Variants in SLC2A13 observed in about 807,000 individuals in gnomAD.
SLC2A13 encodes proton myo-inositol cotransporter.
SLC2A13 carries 32 observed loss-of-function variants against 64.4 expected under a neutral mutation model. The observed-to-expected ratio is 0.50, with a 90% CI of 0.37 to 0.67. The LOEUF is 0.67. SLC2A13 is among the 30% of genes least tolerant of loss of function. SLC2A13 has a pLI of 0.00. For synonymous variants in SLC2A13, 338 were observed against 327.1 expected (o/e 1.03, Z -0.36); for missense variants, 743 against 829.2 (o/e 0.90, Z 1.28).
intron 6 of SLC2A13, among the ~76,000 whole-genome samples, chr12:39,859,120 A>T (rs947930421): frequency 6.6e-6 from 1 of 152,142 alleles, no homozygotes; most frequent in Non-Finnish European, 1.5e-5. Flanking sequence ...CAGTGTCACC[A>T]CCATCTACAG....
chr12:39,947,951 C>T (rs1309642080), intron 4 of SLC2A13, among the ~76,000 whole-genome samples: 3 of 152,064 alleles, frequency 2.0e-5, no homozygotes, highest in Non-Finnish European at 2.9e-5. Flanking sequence ...TGAGCCACCG[C>T]GCCTGGCCGA....
intron 3 of SLC2A13, among the ~76,000 whole-genome samples, 179 bp from the exon 4 acceptor site, chr12:39,951,544 TA>T (rs1565558336): frequency 6.6e-6 from 1 of 152,182 alleles, no homozygotes; most frequent in African/African-American, 2.4e-5. Flanking sequence ...TGCAAACAGA[TA>T]GTGTTTTTGT....
chr12:40,038,786 G>GAAAGGA (rs1016773092), intron 2 of SLC2A13, among the ~76,000 whole-genome samples: 27 of 150,910 alleles, frequency 1.8e-4, no homozygotes, highest in Admixed American at 1.5e-3. Context: ...AAGGGAAAGG[G>GAAAGGA]AAAAGGAAAG....
chr12:39,819,491 T>A (rs910904482), intron 7 of SLC2A13, among the ~76,000 whole-genome samples: 1 of 152,182 alleles, frequency 6.6e-6, no homozygotes, highest in Admixed American at 6.5e-5. Flanking sequence ...TTATTTGATG[T>A]TCCTAAAAGC....
At chr12:39,798,068 T>G (rs1941641765) in intron 7 of SLC2A13, among the ~76,000 whole-genome samples, 1 of 152,208 alleles carries the variant, frequency 6.6e-6, no homozygotes, top group Non-Finnish European at 1.5e-5. Context: ...GTCTCTTTCT[T>G]GGATCATTCA....
intron 7 of SLC2A13, among the ~76,000 whole-genome samples, chr12:39,797,737 C>CAT (rs1555237506): frequency 4.8e-5 from 1 of 20,652 alleles, no homozygotes; most frequent in African/African-American, 1.0e-4. Flanking sequence ...AACACACACA[C>CAT]ACACACACAC....
At chr12:39,882,376 C>A (rs149895012) in intron 4 of SLC2A13, among the ~76,000 whole-genome samples, 285 of 152,294 alleles carry the variant, frequency 1.9e-3, no homozygotes, top group Middle Eastern at 3.4e-3. Flanking sequence ...GCTACCATCA[C>A]GTTCATCATT....
intron 4 of SLC2A13, among the ~76,000 whole-genome samples, chr12:39,896,031 CAT>C (rs139680507): frequency 0.5 from 69,436 of 138,698 alleles, 17,986 homozygotes; most frequent in East Asian, 0.78. Flanking sequence ...TACATACATG[CAT>C]ATGTTTATAT....
intron 2 of SLC2A13, among the ~76,000 whole-genome samples, chr12:40,035,775 G>C (rs1179388059): frequency 2.6e-5 from 4 of 152,128 alleles, no homozygotes; most frequent in Non-Finnish European, 5.9e-5. Context: ...ACTCCACCAA[G>C]TAAACTAATA....
intron 4 of SLC2A13, among the ~76,000 whole-genome samples, chr12:39,933,006 A>G (rs543862012): frequency 5.9e-5 from 9 of 152,060 alleles, no homozygotes; most frequent in African/African-American, 1.2e-4. Flanking sequence ...GTGGGTGGAT[A>G]CTTGAGGTCA....
At chr12:39,984,822 A>G (rs949854193) in intron 3 of SLC2A13, among the ~76,000 whole-genome samples, 2 of 152,146 alleles carry the variant, frequency 1.3e-5, no homozygotes, top group Admixed American at 1.3e-4. Context: ...AAGTAGCAAA[A>G]CACACAGCCC....
At chr12:39,802,138 C>G (rs1941814478) in intron 7 of SLC2A13, 1 of 152,206 alleles carries the variant, frequency 6.6e-6, no homozygotes, top group Admixed American at 6.6e-5. Context: ...GGTGTGTAAT[C>G]TTTGCGACTG....
intron 6 of SLC2A13, among the ~76,000 whole-genome samples, chr12:39,849,419 C>T (rs1056689908): frequency 1.3e-5 from 2 of 152,120 alleles, no homozygotes. Context: ...TGGCTGACCC[C>T]TGCCTCTTAT....
At chr12:40,044,804 C>T (rs1221616597) in intron 2 of SLC2A13, among the ~76,000 whole-genome samples, 6 of 152,140 alleles carry the variant, frequency 3.9e-5, no homozygotes, top group South Asian at 2.1e-4. Context: ...TTCTGTCAAT[C>T]GATTTCATCT....
chr12:39,853,207 CTG>C (rs774829929), intron 6 of SLC2A13, among the ~76,000 whole-genome samples: 2 of 152,132 alleles, frequency 1.3e-5, no homozygotes, highest in Non-Finnish European at 1.5e-5. Context: ...GCAACTACCT[CTG>C]TGTCTTCTTT....
At chr12:39,838,760 TA>T (rs1271936439) in intron 6 of SLC2A13, among the ~76,000 whole-genome samples, 1 of 152,090 alleles carries the variant, frequency 6.6e-6, no homozygotes, top group African/African-American at 2.4e-5. Flanking sequence ...GAAAATCTTT[TA>T]AAAATTGATT....
chr12:40,085,253 A>C (rs529790392), intron 1 of SLC2A13, among the ~76,000 whole-genome samples: 1 of 152,306 alleles, frequency 6.6e-6, no homozygotes, highest in South Asian at 2.1e-4. Context: ...CCAGTAAACC[A>C]AACTGTTTTC....
intron 4 of SLC2A13, among the ~76,000 whole-genome samples, chr12:39,923,712 A>AC (rs1318178531): frequency 1.3e-5 from 2 of 151,574 alleles, no homozygotes; most frequent in African/African-American, 4.8e-5. Context: ...ACACACACAC[A>AC]CACACACACA....
intron 7 of SLC2A13, among the ~76,000 whole-genome samples, chr12:39,779,468 C>A (rs955611391): frequency 2.0e-5 from 3 of 152,078 alleles, no homozygotes; most frequent in African/African-American, 2.4e-5. Context: ...AACACCATAC[C>A]TATTATCTTC....
Sources: gnomAD v4.1 joint callset for allele counts (sites outside exome capture counted in the v4.1 genomes callset) on GRCh38, gnomAD v4.1.1 for gene constraint, MANE v1.5 for transcripts, NCBI Gene and HGNC (gene_info 2026-07-23, HGNC 2026-07-21) for gene names.